Variants in PCDHA3 observed in about 807,000 individuals in gnomAD.
The protein encoded by PCDHA3 is protocadherin alpha-3.
Under a neutral mutation model 62.2 loss-of-function variants are expected in PCDHA3, and 41 were observed. The ratio of observed to expected loss-of-function variants is 0.66; its 90% confidence interval spans 0.51 to 0.86. PCDHA3 has a LOEUF of 0.86. Ranked by LOEUF, PCDHA3 falls within the 40% of genes least tolerant of loss-of-function variation. PCDHA3 has a pLI of 0.00. For missense variants in PCDHA3, 1,304 were observed against 1,241.2 expected, an observed-to-expected ratio of 1.05 and a Z score of -0.76; for synonymous variants, 640 against 555.4, an observed-to-expected ratio of 1.15 and a Z score of -2.14.
At chr5:140,870,906 C>A (rs201710263) in intron 1 of PCDHA3, 2 of 1,613,946 alleles carry the variant, frequency 1.2e-6, no homozygotes, top group South Asian at 2.2e-5. Flanking sequence ...CGGACTCAGG[C>A]TACAACGCGT....
intron 1 of PCDHA3, chr5:140,877,907 T>G (rs2057390973): frequency 2.1e-6 from 3 of 1,433,442 alleles, no homozygotes; most frequent in Non-Finnish European, 2.8e-6. Context: ...TATAACTACA[T>G]TCTCTCATTT....
At chr5:140,888,673 A>T (rs571585641) in intron 1 of PCDHA3, among the ~76,000 whole-genome samples, 1 of 152,298 alleles carries the variant, frequency 6.6e-6, no homozygotes, top group Admixed American at 6.5e-5. Context: ...TGCCCTGTGC[A>T]TTAAGAGGTC....
chr5:140,853,472 T>C lies in PCDHA3; in HGVS notation c.2394+49881T>C, dbSNP rs1420566523. The C allele has an allele frequency of 4.8e-5, 47 of 973,390 alleles. 7 individuals are homozygous for C. The highest frequency in any genetic ancestry group is 5.7e-5 in the Non-Finnish European group (46 of 806,260). 60.3% of individuals were successfully genotyped at this position (973,390 alleles called of 1,614,324 possible). A position where few individuals can be genotyped will look rare whatever the true frequency, so the allele number is the denominator to read the frequency against. ...AGGTCTCCTTATATGCATCTGTAGT[T>C]AACATTCCTCAATTCAAGTTAGAAT... On this transcript the variant is annotated intron_variant, in intron 1 of 3. Coordinates refer to ENST00000522353, the MANE Select transcript of PCDHA3 (RefSeq NM_018906.3).
chr5:140,997,575 C>T (rs565835201), intron 3 of PCDHA3, among the ~76,000 whole-genome samples: 5 of 151,884 alleles, frequency 3.3e-5, no homozygotes, highest in East Asian at 3.9e-4. Context: ...ATGTGTGGTC[C>T]GTTGTTGACT....
chr5:141,004,888 G>A lies in PCDHA3; in HGVS notation c.2543-4739G>A, dbSNP rs555046086. ...TTTCTCATCCCTAAAGTGCTATTGT[G>A]TCAGCTCTGCCAGGGTGTAAGGAAA... On this transcript the variant is annotated intron_variant, in intron 3 of 3. Transcript: ENST00000522353. Among the ~76,000 whole-genome samples the A allele has an allele frequency of 2.0e-5, 3 of 152,250 alleles. No individual in the cohort carries two copies. The East Asian group carries it at 5.8e-4, about 29-fold the overall frequency.
intron 1 of PCDHA3, chr5:140,869,400 C>T (rs782134920): frequency 1.2e-6 from 2 of 1,614,026 alleles, no homozygotes; most frequent in African/African-American, 2.7e-5. Flanking sequence ...GCGGGCAGAG[C>T]GCGGAGTGCA....
chr5:140,969,600 C>CTAAAACACA, intron 1 of PCDHA3: 1 of 778,552 alleles, frequency 1.3e-6, no homozygotes, highest in South Asian at 2.1e-5. Flanking sequence ...ATATTTAATG[C>CTAAAACACA]TAAAACACAG....
intron 1 of PCDHA3, among the ~76,000 whole-genome samples, chr5:140,962,829 C>CT (rs1342441888): frequency 6.6e-6 from 1 of 152,190 alleles, no homozygotes; most frequent in East Asian, 1.9e-4. Flanking sequence ...CCATTTGTCT[C>CT]TTTTTTATTA....
At chr5:140,877,155 C>T in intron 1 of PCDHA3, 2 of 1,613,798 alleles carry the variant, frequency 1.2e-6, no homozygotes, top group Non-Finnish European at 1.7e-6. Context: ...AGAACGACAA[C>T]GCGCCGGCAC....
At chr5:140,979,912 G>C (rs1554241237) in intron 2 of PCDHA3, among the ~76,000 whole-genome samples, 2 of 152,248 alleles carry the variant, frequency 1.3e-5, no homozygotes, top group South Asian at 2.1e-4. Flanking sequence ...AGTTCGTAAA[G>C]AGAAAGCCTA....
In PCDHA3 at chr5:140,883,991, G is replaced by A. The variant is rs1475054823; in HGVS notation, c.2394+80400G>A. ...GACGCCCGGGGCTGGCAGCGCGGGA[G>A]GCACAGTGAGCGAGCTGATGCCGCG... On this transcript the variant is annotated intron_variant, in intron 1 of 3. Transcript: ENST00000522353. 2 of 1,612,972 alleles carry A rather than the reference G, an allele frequency of 1.2e-6. No individual in the cohort carries two copies. The highest frequency in any genetic ancestry group is 2.2e-5 in the East Asian group (1 of 44,862).
intron 1 of PCDHA3, among the ~76,000 whole-genome samples, chr5:140,946,700 G>T (rs2094011625): frequency 6.7e-6 from 1 of 148,322 alleles, no homozygotes; most frequent in African/African-American, 2.5e-5. Flanking sequence ...GGATGAATCT[G>T]GAGGTCATTA....
At chr5:140,874,045 A>C (rs1365438306) in intron 1 of PCDHA3, among the ~76,000 whole-genome samples, 1 of 152,212 alleles carries the variant, frequency 6.6e-6, no homozygotes, top group East Asian at 1.9e-4. Flanking sequence ...CTTGGTGATG[A>C]TATTAGACAA....
intron 1 of PCDHA3, among the ~76,000 whole-genome samples, chr5:140,893,943 G>C (rs550475): frequency 0.54 from 81,510 of 151,914 alleles, 22,066 homozygotes; most frequent in African/African-American, 0.61. Flanking sequence ...TGTTAATTCT[G>C]CATGACTTTA....
At chr5:140,977,559 A>G (rs1383080307) in intron 1 of PCDHA3, among the ~76,000 whole-genome samples, 2 of 152,204 alleles carry the variant, frequency 1.3e-5, no homozygotes. Context: ...ATATCTTGCT[A>G]GCAGATTGGT....
At chr5:140,899,222 A>T (rs1377710696) in intron 1 of PCDHA3, among the ~76,000 whole-genome samples, 2 of 152,012 alleles carry the variant, frequency 1.3e-5, no homozygotes, top group Non-Finnish European at 2.9e-5. Context: ...AACTTCCAAC[A>T]CTATGTTGAA....
chr5:140,883,175 A>G lies in PCDHA3; in HGVS notation c.2394+79584A>G, dbSNP rs1554177014. ...CATAAATCCGAACAATGGAGAAATTAGGACAAAAGGCAAACTAGATTTCGA... is the reference window on the plus strand; with the variant it reads ...CATAAATCCGAACAATGGAGAAATTGGGACAAAAGGCAAACTAGATTTCGA... On this transcript the variant is annotated intron_variant, in intron 1 of 3. Coordinates refer to ENST00000522353, the MANE Select transcript of PCDHA3 (RefSeq NM_018906.3). 3 of 1,614,060 alleles carry G rather than the reference A, an allele frequency of 1.9e-6. No individual in the cohort carries two copies. Among genetic ancestry groups the G allele is most frequent in the East Asian group, 4.5e-5 (2 of 44,892 alleles).
At chr5:140,865,328 G>C (rs2048826529) in intron 1 of PCDHA3, 2 of 152,116 alleles carry the variant, frequency 1.3e-5, no homozygotes. Flanking sequence ...CTTTAATTCT[G>C]TGTAAAGAAA....
Position 140,843,518 on chromosome 5 carries a change from C to G in PCDHA3, c.2394+39927C>G, listed in dbSNP as rs2150361647. On this transcript the variant is annotated intron_variant, in intron 1 of 3. Transcript: ENST00000522353. ...AGCACTGCCCACTGAGGGCGGGTGC[C>G]GGGCGGGCAAGCCCACTCTGGTGTG... 99 of 1,595,534 alleles carry G rather than the reference C, an allele frequency of 6.2e-5. 6 individuals are homozygous for G. The highest frequency in any genetic ancestry group is 1.7e-4 in the Middle Eastern group (1 of 5,992).
Sources: allele counts gnomAD v4.1 joint callset (sites outside exome capture counted in the v4.1 genomes callset), GRCh38; gene constraint gnomAD v4.1.1; transcripts MANE v1.5; gene names NCBI Gene and HGNC (gene_info 2026-07-23, HGNC 2026-07-21).